The following PGCKA1 variants were observed in gnomAD, a reference collection of about 807,000 sequenced individuals.
The protein encoded by PGCKA1 is PDCD10 and GCKIII kinases associated 1.
chr4:37,525,718 A>G, the PGCKA1 span, among the ~76,000 whole-genome samples: 1 of 152,218 alleles, frequency 6.6e-6, no homozygotes, highest in East Asian at 1.9e-4. Flanking sequence ...GGACCAATCC[A>G]GCCTCAGGCA....
chr4:37,458,707 T>C, the PGCKA1 span, among the ~76,000 whole-genome samples: 1 of 152,206 alleles, frequency 6.6e-6, no homozygotes, highest in East Asian at 1.9e-4. Flanking sequence ...TCACTTCTAC[T>C]CCAGTCTATT....
At chr4:37,479,191 A>G in the PGCKA1 span, among the ~76,000 whole-genome samples, 12 of 152,350 alleles carry the variant, frequency 7.9e-5, no homozygotes, top group Admixed American at 3.3e-4. Context: ...TTCAAAATCA[A>G]AAGATTTTTA....
chr4:37,476,796 G>T, the PGCKA1 span, among the ~76,000 whole-genome samples: 1 of 152,260 alleles, frequency 6.6e-6, no homozygotes, highest in South Asian at 2.1e-4. Context: ...TAAAAATAAT[G>T]AATTTTTGAA....
At chr4:37,580,681 A>C in the PGCKA1 span, among the ~76,000 whole-genome samples, 75 of 152,334 alleles carry the variant, frequency 4.9e-4, no homozygotes, top group African/African-American at 1.2e-3. Flanking sequence ...GGCCATGATC[A>C]CTAGGACTGT....
At chr4:37,574,151 A>T in the PGCKA1 span, among the ~76,000 whole-genome samples, 1 of 151,878 alleles carries the variant, frequency 6.6e-6, no homozygotes, top group Non-Finnish European at 1.5e-5. Flanking sequence ...TCATGCCACT[A>T]TACTCCAGCC....
the PGCKA1 span, among the ~76,000 whole-genome samples, chr4:37,556,251 T>C: frequency 8.7e-6 from 1 of 114,948 alleles, no homozygotes; most frequent in Non-Finnish European, 1.9e-5. Context: ...TTTCTTTTTC[T>C]TTTTTTTGTT....
At chr4:37,577,721 A>G in the PGCKA1 span, among the ~76,000 whole-genome samples, 2 of 152,096 alleles carry the variant, frequency 1.3e-5, no homozygotes, top group Admixed American at 6.6e-5. Flanking sequence ...CTTTTGCTGG[A>G]TCCCATAGAT....
At chr4:37,525,072 T>C in the PGCKA1 span, among the ~76,000 whole-genome samples, 1 of 152,190 alleles carries the variant, frequency 6.6e-6, no homozygotes, top group Admixed American at 6.5e-5. Context: ...GACAAAGCAG[T>C]TCTTTATTTC....
chr4:37,546,755 A>G, the PGCKA1 span, among the ~76,000 whole-genome samples: 1 of 152,232 alleles, frequency 6.6e-6, no homozygotes, highest in Non-Finnish European at 1.5e-5. Context: ...CCTGTGGAGC[A>G]TCCCTGCAGG....
chr4:37,541,948 C>G, the PGCKA1 span, among the ~76,000 whole-genome samples: 2 of 152,184 alleles, frequency 1.3e-5, no homozygotes, highest in Non-Finnish European at 2.9e-5. Context: ...GCGGACTAGG[C>G]AACTTGCAAA....
the PGCKA1 span, among the ~76,000 whole-genome samples, chr4:37,520,805 G>C: frequency 6.6e-6 from 1 of 152,056 alleles, no homozygotes; most frequent in Admixed American, 6.6e-5. Flanking sequence ...TTTTAGTAGA[G>C]ACAGGATTTC....
At chr4:37,576,005 A>G in the PGCKA1 span, among the ~76,000 whole-genome samples, 1 of 152,096 alleles carries the variant, frequency 6.6e-6, no homozygotes, top group Non-Finnish European at 1.5e-5. Context: ...ATATCTCTGT[A>G]GTGTAATTTA....
At chr4:37,561,566 G>A in the PGCKA1 span, among the ~76,000 whole-genome samples, 1 of 152,122 alleles carries the variant, frequency 6.6e-6, no homozygotes, top group Non-Finnish European at 1.5e-5. Flanking sequence ...GAAAGAAAGG[G>A]GGGACAATAC....
the PGCKA1 span, among the ~76,000 whole-genome samples, chr4:37,536,245 A>AG: frequency 6.6e-6 from 1 of 152,238 alleles, no homozygotes; most frequent in African/African-American, 2.4e-5. Context: ...AGATCCTATT[A>AG]GGACTTTGAC....
At chr4:37,590,631 G>C in the PGCKA1 span, 19 of 1,614,028 alleles carry the variant, frequency 1.2e-5, no homozygotes, top group Non-Finnish European at 1.6e-5. Context: ...TTCAGCATTG[G>C]GGCCCAGCTG....
chr4:37,479,949 G>C, the PGCKA1 span, among the ~76,000 whole-genome samples: 3 of 152,272 alleles, frequency 2.0e-5, no homozygotes, highest in South Asian at 6.2e-4. Flanking sequence ...AGGCAATTTG[G>C]TCATTTTGGT....
At chr4:37,527,163 A>T in the PGCKA1 span, among the ~76,000 whole-genome samples, 1 of 152,206 alleles carries the variant, frequency 6.6e-6, no homozygotes, top group Non-Finnish European at 1.5e-5. Context: ...AAATCATTTT[A>T]TACAGCCACA....
At chr4:37,572,278 G>A in the PGCKA1 span, among the ~76,000 whole-genome samples, 1 of 150,322 alleles carries the variant, frequency 6.7e-6, no homozygotes, top group African/African-American at 2.4e-5. Flanking sequence ...GTTTTAGCCG[G>A]GATGGTCTCG....
At chr4:37,556,825 T>G in the PGCKA1 span, among the ~76,000 whole-genome samples, 614 of 152,310 alleles carry the variant, frequency 4.0e-3, 1 homozygote, top group African/African-American at 0.014. Context: ...GGCTTCCTTA[T>G]CAAGTAATAT....
Sources: allele counts gnomAD v4.1 joint callset (sites outside exome capture counted in the v4.1 genomes callset), GRCh38; gene constraint gnomAD v4.1.1; transcripts MANE v1.5; gene names NCBI Gene and HGNC (gene_info 2026-07-23, HGNC 2026-07-21).